The following QTMAN variants were observed in gnomAD, a reference collection of about 807,000 sequenced individuals.
QTMAN encodes the protein tRNA-queuosine alpha-mannosyltransferase.
At chr2:144,071,218 T>A in the QTMAN span, among the ~76,000 whole-genome samples, 5 of 150,856 alleles carry the variant, frequency 3.3e-5, no homozygotes, top group Admixed American at 3.3e-4. Context: ...TCTTACTCCA[T>A]TGGAATAAAT....
the QTMAN span, among the ~76,000 whole-genome samples, chr2:144,219,651 G>A: frequency 1.3e-5 from 2 of 151,938 alleles, no homozygotes; most frequent in African/African-American, 2.4e-5. Context: ...CAAAACCCCC[G>A]TCTCTACAAA....
the QTMAN span, among the ~76,000 whole-genome samples, chr2:143,973,868 A>G: frequency 1.3e-5 from 2 of 152,320 alleles, no homozygotes; most frequent in Admixed American, 6.5e-5. Context: ...CTACAGCCAC[A>G]TATCAAGGCA....
chr2:144,126,066 AT>A, the QTMAN span, among the ~76,000 whole-genome samples: 2 of 152,024 alleles, frequency 1.3e-5, no homozygotes, highest in Admixed American at 1.3e-4. Context: ...CCAGAAAATT[AT>A]ACAAATTCAT....
chr2:144,307,188 T>TAAA, the QTMAN span, among the ~76,000 whole-genome samples: 19 of 81,204 alleles, frequency 2.3e-4, no homozygotes, highest in Middle Eastern at 8.8e-3. Flanking sequence ...AAAAAACAAT[T>TAAA]AAAAAAAAAA....
chr2:144,325,603 T>C, the QTMAN span, among the ~76,000 whole-genome samples: 1 of 152,222 alleles, frequency 6.6e-6, no homozygotes, highest in Non-Finnish European at 1.5e-5. Flanking sequence ...ATTAATTTCA[T>C]GTACCTCATT....
At chr2:144,113,143 C>T in the QTMAN span, among the ~76,000 whole-genome samples, 1 of 151,848 alleles carries the variant, frequency 6.6e-6, no homozygotes, top group East Asian at 1.9e-4. Context: ...ACTAAGATTA[C>T]CTAGATGAGA....
At chr2:144,076,599 C>A in the QTMAN span, among the ~76,000 whole-genome samples, 1 of 152,146 alleles carries the variant, frequency 6.6e-6, no homozygotes, top group South Asian at 2.1e-4. Flanking sequence ...GGCAAACAGT[C>A]TGCTCACTTA....
chr2:144,281,682 T>C, the QTMAN span, among the ~76,000 whole-genome samples: 4 of 152,094 alleles, frequency 2.6e-5, no homozygotes, highest in Non-Finnish European at 1.5e-5. Context: ...CTAGTGTCCT[T>C]ATAAGAGGAA....
chr2:144,318,194 A>G, the QTMAN span, among the ~76,000 whole-genome samples: 1 of 141,934 alleles, frequency 7.0e-6, no homozygotes, highest in Non-Finnish European at 1.6e-5. Flanking sequence ...TATTTAAATA[A>G]ACACACACAC....
the QTMAN span, among the ~76,000 whole-genome samples, chr2:143,994,263 T>C: frequency 6.6e-6 from 1 of 152,186 alleles, no homozygotes; most frequent in South Asian, 2.1e-4. Context: ...AGTAGCTCAA[T>C]AAACATTTTT....
the QTMAN span, among the ~76,000 whole-genome samples, chr2:144,258,598 C>T: frequency 1.2e-4 from 18 of 152,212 alleles, no homozygotes; most frequent in Middle Eastern, 3.4e-3. Flanking sequence ...AGCTTAAAAG[C>T]AACCTACAAA....
chr2:144,218,571 C>A, the QTMAN span, among the ~76,000 whole-genome samples: 1 of 152,146 alleles, frequency 6.6e-6, no homozygotes, highest in African/African-American at 2.4e-5. Flanking sequence ...AGATGACTAA[C>A]ATATTCTTAA....
the QTMAN span, among the ~76,000 whole-genome samples, chr2:144,244,031 T>C: frequency 2.6e-5 from 4 of 152,240 alleles, no homozygotes; most frequent in African/African-American, 9.6e-5. Context: ...TCAAGTATCA[T>C]GTGAATGTTT....
the QTMAN span, among the ~76,000 whole-genome samples, chr2:144,104,834 T>C: frequency 6.6e-6 from 1 of 152,226 alleles, no homozygotes; most frequent in Non-Finnish European, 1.5e-5. Context: ...GATCCCCGAG[T>C]AGCCTAACTG....
At chr2:144,142,044 T>A in the QTMAN span, 7 of 1,609,464 alleles carry the variant, frequency 4.3e-6, no homozygotes, top group Non-Finnish European at 5.9e-6. Context: ...TACAACCACA[T>A]CAGCCACCAG....
the QTMAN span, among the ~76,000 whole-genome samples, chr2:144,212,739 A>C: frequency 5.9e-5 from 9 of 152,194 alleles, no homozygotes; most frequent in African/African-American, 2.2e-4. Flanking sequence ...GCTTCAGTTA[A>C]AGAAAAACTC....
chr2:144,051,824 C>T, the QTMAN span, among the ~76,000 whole-genome samples: 12 of 151,978 alleles, frequency 7.9e-5, no homozygotes, highest in Non-Finnish European at 1.3e-4. Context: ...AAAGAAAAGG[C>T]GGAGGGGCAG....
chr2:144,011,579 A>G, the QTMAN span: 2 of 970,828 alleles, frequency 2.1e-6, no homozygotes, highest in East Asian at 1.1e-4. Flanking sequence ...AACATTCTTA[A>G]TCAGACACTA....
At chr2:144,073,239 A>T in the QTMAN span, among the ~76,000 whole-genome samples, 12 of 148,840 alleles carry the variant, frequency 8.1e-5, no homozygotes, top group East Asian at 1.9e-4. Flanking sequence ...ACATATATAT[A>T]TTTTATATAT....
Sources: gnomAD v4.1 joint callset for allele counts (sites outside exome capture counted in the v4.1 genomes callset) on GRCh38, gnomAD v4.1.1 for gene constraint, MANE v1.5 for transcripts, NCBI Gene and HGNC (gene_info 2026-07-23, HGNC 2026-07-21) for gene names.